ETV1: variants seen among roughly 807,000 people sequenced by gnomAD.
ETV1 encodes the protein ETS translocation variant 1.
ETV1 carries 27 observed loss-of-function variants against 62.3 expected under a neutral mutation model. The observed-to-expected ratio is 0.43, with a 90% confidence interval of 0.32 to 0.60. The LOEUF (loss-of-function observed/expected upper bound fraction) is 0.60, where lower values mean the gene tolerates loss of function less well. Among genes scored for constraint, ETV1 ranks in the 20% least tolerant of loss-of-function variants. ETV1 has a pLI of 0.06. For missense variants in ETV1, 605 were observed against 605.8 expected (o/e 1.00, Z 0.01); for synonymous variants, 222 against 199.6 (o/e 1.11, Z -0.94).
rs1789293779 is a variant in ETV1 at position 13,955,339 on chromosome 7, G to T, written c.236-16093C>A. ...AGAATCCCCCCTCAAAATAAGGGGA[G>T]ATGTATGACATACAAAAGTAAAGAC... On this transcript the variant is annotated intron_variant, in intron 6 of 13. Coordinates refer to ENST00000430479, the MANE Select transcript of ETV1 (RefSeq NM_004956.5). 2.0e-5 allele frequency among the ~76,000 whole-genome samples: 3 copies of T among 152,150 alleles called. 1 individual carries two copies. The South Asian group carries it at 6.2e-4, about 31-fold the overall frequency.
chr7:13,931,207 T>G (rs759849344), intron 9 of ETV1, among the ~76,000 whole-genome samples: 5 of 151,898 alleles, frequency 3.3e-5, no homozygotes, highest in Non-Finnish European at 5.9e-5. Context: ...AAGTACAGAA[T>G]TAAGAAAAAA....
chr7:13,962,923 T>A (rs538494646), intron 6 of ETV1, among the ~76,000 whole-genome samples: 1 of 152,318 alleles, frequency 6.6e-6, no homozygotes, highest in Non-Finnish European at 1.5e-5. Context: ...AAAACACTTA[T>A]TTTACGTCTT....
intron 6 of ETV1, among the ~76,000 whole-genome samples, chr7:13,968,307 A>C (rs1780517179): frequency 6.6e-6 from 1 of 151,936 alleles, no homozygotes; most frequent in Non-Finnish European, 1.5e-5. Context: ...TAATATATAT[A>C]TTTTTAGCTT....
intron 7 of ETV1, 96 bp downstream of exon 7, chr7:13,939,021 G>A (rs1290143343): frequency 2.5e-5 from 31 of 1,233,914 alleles, no homozygotes; most frequent in Middle Eastern, 1.9e-4. Context: ...TATTAAAGAC[G>A]TTACTCATAA....
At chr7:13,917,379 G>A (rs1784300228) in intron 9 of ETV1, among the ~76,000 whole-genome samples, 1 of 151,562 alleles carries the variant, frequency 6.6e-6, no homozygotes, top group Admixed American at 6.6e-5. Flanking sequence ...GTGTAACGGT[G>A]CGATCTCAGC....
At chr7:13,917,146 A>C (rs1314271438) in intron 9 of ETV1, among the ~76,000 whole-genome samples, 3 of 151,986 alleles carry the variant, frequency 2.0e-5, no homozygotes, top group African/African-American at 7.2e-5. Flanking sequence ...ACAAATAATG[A>C]CCAGATCCAA....
At position 13,935,875 on chromosome 7, in the gene ETV1, T is replaced by C; in HGVS notation, c.387A>G (p.Gln129=). The C allele has an allele frequency of 1.9e-6, 3 of 1,613,648 alleles. No individual in the cohort carries two copies. The highest frequency in any genetic ancestry group is 2.5e-6 in the Non-Finnish European group (3 of 1,179,714). Residue 129 remains glutamine, a synonymous_variant, in exon 8 of 14, where the codon CAA becomes CAG. Coordinates refer to ENST00000430479, the MANE Select transcript of ETV1 (RefSeq NM_004956.5). The part of the protein sequence containing the change: ...YNVSAYDQKP[Q]VGMRPSNPPT... ...GGGGGTTGGAGGGCCTCATTCCCACTTGTGGCTTCTGATCATAGGCACTAC... is the reference window on the plus strand; with the variant it reads ...GGGGGTTGGAGGGCCTCATTCCCACCTGTGGCTTCTGATCATAGGCACTAC...
chr7:13,957,050 T>C (rs932291303), intron 6 of ETV1, among the ~76,000 whole-genome samples: 4 of 152,122 alleles, frequency 2.6e-5, no homozygotes, highest in African/African-American at 7.2e-5. Context: ...TACTGCTACG[T>C]AAACCTAAGT....
chr7:13,966,428 T>C lies in ETV1; in HGVS notation c.235+10999A>G, dbSNP rs147219008. On this transcript the variant is annotated intron_variant, in intron 6 of 13. Coordinates refer to ENST00000430479, the MANE Select transcript of ETV1 (RefSeq NM_004956.5). The stretch of plus-strand genomic sequence containing the variant: ...CGGGAGGATTGCTTGGTCTCAGGAG[T>C]TCAAGACCAGCATGGGCAACATGGC... 5.7e-3 allele frequency among the ~76,000 whole-genome samples: 858 copies of C among 151,308 alleles called. 8 individuals are homozygous for C. The highest frequency in any genetic ancestry group is 0.02 in the African/African-American group (814 of 41,186).
Position 13,928,428 on chromosome 7 carries a change from A to C in ETV1, c.802+3074T>G, listed in dbSNP as rs182479413. Among the ~76,000 whole-genome samples the C allele has an allele frequency of 1.7e-3, 256 of 151,942 alleles. 2 individuals carry two copies. The highest frequency in any genetic ancestry group is 6.1e-3 in the African/African-American group (252 of 41,438). On this transcript the variant is annotated intron_variant, in intron 9 of 13. Transcript: ENST00000430479. ...TCAAGAGATTGAGACCAGCCTGACC[A>C]ACATGGAGAAATCCTGTCTCTACTA...
At chr7:13,958,152 T>C (rs1789709912) in intron 6 of ETV1, among the ~76,000 whole-genome samples, 1 of 152,248 alleles carries the variant, frequency 6.6e-6, no homozygotes, top group Non-Finnish European at 1.5e-5. Flanking sequence ...GTTTTAAATA[T>C]GGTTAACTAG....
intron 9 of ETV1, among the ~76,000 whole-genome samples, chr7:13,918,475 C>G (rs1270827080): frequency 3.3e-5 from 5 of 152,042 alleles, no homozygotes; most frequent in Non-Finnish European, 5.9e-5. Flanking sequence ...GACTTGGAAC[C>G]AACCCAAATG....
At chr7:13,942,308 C>T (rs2128463152) in intron 6 of ETV1, among the ~76,000 whole-genome samples, 1 of 152,188 alleles carries the variant, frequency 6.6e-6, no homozygotes, top group African/African-American at 2.4e-5. Context: ...CAGGCATGAG[C>T]CACCGTGCCC....
At chr7:13,933,441 GTGTAAGTGGTGGAAACAC>G (rs758724688) in intron 8 of ETV1, among the ~76,000 whole-genome samples, 7 of 152,196 alleles carry the variant, frequency 4.6e-5, no homozygotes, top group Non-Finnish European at 7.3e-5. Flanking sequence ...GAAAAACAGG[GTGTAAGTGGTGGAAACAC>G]TGAGAAAGAG....
intron 6 of ETV1, among the ~76,000 whole-genome samples, chr7:13,942,937 C>G (rs556727261): frequency 6.6e-6 from 1 of 151,858 alleles, no homozygotes; most frequent in South Asian, 2.1e-4. Flanking sequence ...TATTTATAAA[C>G]AGGACACAAA....
At chr7:13,967,481 T>A (rs1351605977) in intron 6 of ETV1, among the ~76,000 whole-genome samples, 1 of 152,156 alleles carries the variant, frequency 6.6e-6, no homozygotes, top group Non-Finnish European at 1.5e-5. Flanking sequence ...AATCTAGCCA[T>A]TCCTGATATA....
chr7:13,988,965 G>A (rs1242312758), intron 3 of ETV1, 43 bp downstream of exon 3: 4 of 1,407,604 alleles, frequency 2.8e-6, no homozygotes, highest in Non-Finnish European at 3.9e-6. Context: ...CACCCCCGAC[G>A]GAGTCAAGTT....
At chr7:13,986,585 TC>T in intron 5 of ETV1, 52 bp downstream of exon 5, 10 of 1,606,566 alleles carry the variant, frequency 6.2e-6, no homozygotes, top group Non-Finnish European at 8.5e-6. Context: ...GGACTTCTTT[TC>T]TTTCTCCTTC....
intron 6 of ETV1, among the ~76,000 whole-genome samples, chr7:13,955,048 C>T (rs1562674510): frequency 6.6e-6 from 1 of 152,262 alleles, no homozygotes; most frequent in East Asian, 1.9e-4. Context: ...TTTTCTGTCA[C>T]CTGGTCTCAA....
Sources: allele counts gnomAD v4.1 joint callset (sites outside exome capture counted in the v4.1 genomes callset), GRCh38; gene constraint gnomAD v4.1.1; transcripts MANE v1.5; gene names NCBI Gene and HGNC (gene_info 2026-07-23, HGNC 2026-07-21).